The following FBXW11 variants were observed in gnomAD, a reference collection of about 807,000 sequenced individuals.
The protein encoded by FBXW11 is F-box and WD repeat domain containing 11.
FBXW11 carries 19 observed loss-of-function variants against 77.6 expected under a neutral mutation model. The observed-to-expected ratio is 0.24, with a 90% CI of 0.17 to 0.36. The LOEUF (loss-of-function observed/expected upper bound fraction) is 0.36, where lower values mean the gene tolerates loss of function less well. Ranked by LOEUF, FBXW11 falls within the 10% of genes least tolerant of loss-of-function variation. The pLI is 1.00. For synonymous variants in FBXW11, 235 were observed against 249.4 expected, an observed-to-expected ratio of 0.94 and a Z score of 0.54; for missense variants, 334 against 704.2, an observed-to-expected ratio of 0.47 and a Z score of 5.95.
intron 2 of FBXW11, among the ~76,000 whole-genome samples, chr5:171,943,751 G>C (rs1437265705): frequency 6.6e-6 from 1 of 152,120 alleles, no homozygotes; most frequent in East Asian, 1.9e-4. Flanking sequence ...GCATGGCCTA[G>C]ATCTTGTTTT....
At chr5:171,872,173 A>T (rs1581124904) in intron 10 of FBXW11, among the ~76,000 whole-genome samples, 1 of 152,384 alleles carries the variant, frequency 6.6e-6, no homozygotes, top group East Asian at 1.9e-4. Context: ...TTAGTCACTT[A>T]TGTAAAGCTA....
At chr5:171,982,852 C>T (rs1480775986) in intron 1 of FBXW11, among the ~76,000 whole-genome samples, 2 of 152,092 alleles carry the variant, frequency 1.3e-5, no homozygotes, top group African/African-American at 4.8e-5. Flanking sequence ...AGATCCTCTG[C>T]AGAGAGGGTC....
intron 2 of FBXW11, among the ~76,000 whole-genome samples, chr5:171,956,418 A>G (rs1417851631): frequency 6.6e-6 from 1 of 152,182 alleles, no homozygotes; most frequent in Non-Finnish European, 1.5e-5. Flanking sequence ...TCTAAAGACA[A>G]CTGGGCCTTA....
chr5:171,978,764 T>C (rs1764983556), intron 1 of FBXW11, among the ~76,000 whole-genome samples: 1 of 152,180 alleles, frequency 6.6e-6, no homozygotes, highest in Admixed American at 6.5e-5. Flanking sequence ...ACCCTAGTGA[T>C]TTCCTTCCGC....
chr5:171,996,914 T>G lies in FBXW11; in HGVS notation c.45+9544A>C, dbSNP rs1319359425. On this transcript the variant is annotated intron_variant, in intron 1 of 13. Transcript: ENST00000517395. ...CCTGGAAAATATTTTGTACTTCAGATCCACCAATCCAGAATGAATGGGGGT... is the reference window on the plus strand; with the variant it reads ...CCTGGAAAATATTTTGTACTTCAGAGCCACCAATCCAGAATGAATGGGGGT... The G allele has an allele frequency of 3.9e-6, 5 of 1,288,500 alleles. No individual in the cohort carries two copies. The South Asian group carries it at 6.2e-5, about 16-fold the overall frequency. The allele number at this position is 1,288,500 out of a possible 1,614,324, so 79.8% of individuals were successfully genotyped here.
intron 1 of FBXW11, among the ~76,000 whole-genome samples, chr5:171,972,532 A>G (rs1764595269): frequency 7.7e-6 from 1 of 129,706 alleles, no homozygotes; most frequent in South Asian, 2.6e-4. Flanking sequence ...AAAAAAAGTT[A>G]AAACTATAGG....
chr5:171,992,443 G>A, intron 1 of FBXW11, among the ~76,000 whole-genome samples: 1 of 149,886 alleles, frequency 6.7e-6, no homozygotes. Context: ...AGAGAGAAAG[G>A]GGGAGAGAGA....
intron 7 of FBXW11, 33 bp downstream of exon 7, chr5:171,891,434 T>C: frequency 6.4e-7 from 1 of 1,555,876 alleles, no homozygotes. Flanking sequence ...GCCACGATTC[T>C]AAAAATAATA....
intron 1 of FBXW11, among the ~76,000 whole-genome samples, chr5:171,980,670 G>A (rs75548265): frequency 0.026 from 3,999 of 152,226 alleles, 166 homozygotes; most frequent in African/African-American, 0.091. Flanking sequence ...TAAAAAGACT[G>A]ACAATGCCAA....
intron 1 of FBXW11, among the ~76,000 whole-genome samples, chr5:171,974,356 C>A (rs2113445520): frequency 6.6e-6 from 1 of 151,482 alleles, no homozygotes; most frequent in African/African-American, 2.4e-5. Flanking sequence ...ATCACTGGAA[C>A]CCAGGAGGCG....
intron 1 of FBXW11, among the ~76,000 whole-genome samples, chr5:172,006,195 G>A (rs1766755177): frequency 1.3e-5 from 2 of 152,208 alleles, no homozygotes; most frequent in Admixed American, 6.5e-5. Context: ...AGCGAGGGTC[G>A]TCCGAGAGCT....
At chr5:171,972,718 T>C (rs1027167122) in intron 1 of FBXW11, among the ~76,000 whole-genome samples, 2 of 151,890 alleles carry the variant, frequency 1.3e-5, no homozygotes, top group African/African-American at 4.8e-5. Flanking sequence ...CTAATTTTTG[T>C]ATTTTTAGTA....
In FBXW11 at chr5:171,960,361, T is replaced by G. The variant is rs929060076; in HGVS notation, c.46-2663A>C. Among the ~76,000 whole-genome samples the G allele has an allele frequency of 2.0e-5, 3 of 152,182 alleles. No individual in the cohort carries two copies. In the East Asian group the frequency reaches 5.8e-4, roughly 29 times the overall value. The stretch of plus-strand genomic sequence containing the variant: ...CTATACTCCAGCCTGGGCAACAGAG[T>G]GAGATCCTGTCTCAACAACAACAAC... On this transcript the variant is annotated intron_variant, in intron 1 of 13. Transcript: ENST00000517395.
intron 1 of FBXW11, among the ~76,000 whole-genome samples, chr5:171,980,515 T>C (rs1012863780): frequency 6.6e-6 from 1 of 152,122 alleles, no homozygotes; most frequent in African/African-American, 2.4e-5. Context: ...GACTCATAAA[T>C]TAGTAAGAAG....
chr5:171,934,054 T>C (rs983261885), intron 2 of FBXW11, among the ~76,000 whole-genome samples: 6 of 152,246 alleles, frequency 3.9e-5, no homozygotes, highest in Admixed American at 2.6e-4. Flanking sequence ...GGATGGTACA[T>C]AGATAATACC....
chr5:172,005,353 T>C (rs897098668), intron 1 of FBXW11, among the ~76,000 whole-genome samples: 2 of 152,234 alleles, frequency 1.3e-5, no homozygotes, highest in African/African-American at 4.8e-5. Flanking sequence ...GACATGTCCA[T>C]TTGCTGATGC....
chr5:171,992,739 A>C (rs960890004), intron 1 of FBXW11, among the ~76,000 whole-genome samples: 14 of 151,824 alleles, frequency 9.2e-5, no homozygotes, highest in Non-Finnish European at 2.1e-4. Flanking sequence ...TGCACCTAAA[A>C]ACTCCCCAAT....
chr5:171,879,290 T>C (rs1311228756), intron 7 of FBXW11, among the ~76,000 whole-genome samples: 1 of 152,208 alleles, frequency 6.6e-6, no homozygotes, highest in Non-Finnish European at 1.5e-5. Flanking sequence ...TTGATATACA[T>C]TCCTTTTTAG....
At chr5:171,920,551 C>T (rs1016006059) in intron 2 of FBXW11, among the ~76,000 whole-genome samples, 3 of 151,952 alleles carry the variant, frequency 2.0e-5, no homozygotes, top group Middle Eastern at 3.5e-3. Flanking sequence ...CACAGTGAGA[C>T]TCTATCTCTT....
Sources: allele counts gnomAD v4.1 joint callset (sites outside exome capture counted in the v4.1 genomes callset), GRCh38; gene constraint gnomAD v4.1.1; transcripts MANE v1.5; gene names NCBI Gene and HGNC (gene_info 2026-07-23, HGNC 2026-07-21).